The following RABGAP1 variants were observed in gnomAD, a reference collection of about 807,000 sequenced individuals.
RABGAP1 encodes the protein RAB GTPase activating protein 1.
A neutral mutation model predicts 137.6 loss-of-function variants in RABGAP1; 23 were observed. The observed-to-expected ratio is 0.17, with a 90% confidence interval of 0.12 to 0.24. The LOEUF (loss-of-function observed/expected upper bound fraction) is 0.24, where lower values mean the gene tolerates loss of function less well. RABGAP1 is among the 10% of genes least tolerant of loss of function. RABGAP1 has a pLI of 1.00. For synonymous variants in RABGAP1, 451 were observed against 450.7 expected, an observed-to-expected ratio of 1.00 and a Z score of -0.01; for missense variants, 906 against 1,275.8, an observed-to-expected ratio of 0.71 and a Z score of 4.42.
intron 13 of RABGAP1, chr9:123,035,543 G>C: frequency 6.2e-7 from 1 of 1,613,904 alleles, no homozygotes; most frequent in Non-Finnish European, 8.5e-7. Flanking sequence ...TGTACTTCTT[G>C]TGCAAGTCAG....
intron 13 of RABGAP1, chr9:123,034,396 T>C: frequency 1.7e-6 from 1 of 600,928 alleles, no homozygotes; most frequent in Non-Finnish European, 2.9e-6. Context: ...TAAAGGGGAA[T>C]TGCACTGCAG....
At chr9:122,967,712 T>C (rs1835241640) in intron 2 of RABGAP1, among the ~76,000 whole-genome samples, 1 of 149,534 alleles carries the variant, frequency 6.7e-6, no homozygotes. Context: ...ACAACTTTTT[T>C]TGCTGTCTCA....
intron 21 of RABGAP1, among the ~76,000 whole-genome samples, chr9:123,092,506 T>C (rs970550596): frequency 6.6e-6 from 1 of 152,112 alleles, no homozygotes; most frequent in African/African-American, 2.4e-5. Context: ...TGAGATTCAG[T>C]TGAAGGTACC....
At chr9:122,968,263 C>T (rs1471367630) in intron 2 of RABGAP1, among the ~76,000 whole-genome samples, 3 of 137,530 alleles carry the variant, frequency 2.2e-5, no homozygotes, top group Non-Finnish European at 4.6e-5. Flanking sequence ...GGCTCTGTTG[C>T]CCAGGCTGCA....
At chr9:123,015,774 A>T (rs2286986) in intron 12 of RABGAP1, 138 bp downstream of exon 12, 54,594 of 536,340 alleles carry the variant, frequency 0.1, 9,156 homozygotes, top group East Asian at 0.67. Context: ...TATTTTAGGG[A>T]TTTATATGAG....
chr9:122,992,490 G>A (rs1201444993), intron 6 of RABGAP1, among the ~76,000 whole-genome samples: 1 of 151,990 alleles, frequency 6.6e-6, no homozygotes, highest in African/African-American at 2.4e-5. Context: ...AAACATCTCT[G>A]TTCTATTTGT....
intron 1 of RABGAP1, among the ~76,000 whole-genome samples, chr9:122,949,295 C>G (rs1398941954): frequency 6.6e-6 from 1 of 151,882 alleles, no homozygotes; most frequent in East Asian, 1.9e-4. Context: ...GGTGGATTAC[C>G]CGAGGTCAGG....
chr9:123,039,992 A>C (rs934175935), intron 13 of RABGAP1, among the ~76,000 whole-genome samples: 3 of 152,152 alleles, frequency 2.0e-5, no homozygotes, highest in South Asian at 4.1e-4. Flanking sequence ...ATTATGTAAG[A>C]GCAGTGGCTT....
chr9:122,953,546 C>T (rs1026610915), intron 1 of RABGAP1, among the ~76,000 whole-genome samples: 7 of 152,118 alleles, frequency 4.6e-5, no homozygotes, highest in South Asian at 2.1e-4. Context: ...GGACTACAGG[C>T]GTGCGCCACC....
chr9:123,023,930 C>G (rs1488731831), intron 13 of RABGAP1, among the ~76,000 whole-genome samples: 1 of 151,670 alleles, frequency 6.6e-6, no homozygotes, highest in Non-Finnish European at 1.5e-5. Flanking sequence ...GAAAGAGTGA[C>G]TTGATTTATA....
At chr9:123,029,764 G>A (rs903828760) in intron 13 of RABGAP1, 9 of 596,290 alleles carry the variant, frequency 1.5e-5, no homozygotes, top group Admixed American at 3.9e-5. Context: ...CGTGAAGCTC[G>A]GAGAGCAGTG....
Position 123,080,944 on chromosome 9 carries a change from A to G in RABGAP1, c.2424+4182A>G, listed in dbSNP as rs548214781. On this transcript the variant is annotated intron_variant, in intron 19 of 25. Coordinates refer to ENST00000373647, the MANE Select transcript of RABGAP1 (RefSeq NM_012197.4). ...TTTTTCAATAAAAGTTATACCAACT[A>G]TGCCTCCTGTCTCCCCTTCTACCTC... 6.6e-5 allele frequency among the ~76,000 whole-genome samples: 10 copies of G among 152,232 alleles called. No homozygotes were observed. In the South Asian group the frequency reaches 1.9e-3, roughly 28 times the overall value.
the RABGAP1 span, among the ~76,000 whole-genome samples, chr9:122,935,604 A>C: frequency 4.6e-5 from 7 of 152,044 alleles, no homozygotes; most frequent in African/African-American, 1.7e-4. Context: ...GCCTCCCAAA[A>C]TGCTGGGATT....
chr9:122,933,443 T>G, the RABGAP1 span, among the ~76,000 whole-genome samples: 8 of 147,276 alleles, frequency 5.4e-5, no homozygotes, highest in Non-Finnish European at 9.0e-5. Flanking sequence ...TTCATTAAAT[T>G]ATTATTATTA....
At chr9:123,078,540 A>G (rs1336376912) in intron 19 of RABGAP1, among the ~76,000 whole-genome samples, 1 of 152,230 alleles carries the variant, frequency 6.6e-6, no homozygotes, top group African/African-American at 2.4e-5. Flanking sequence ...TAATATTTTC[A>G]AAGAAAATAG....
chr9:123,030,548 A>AT (rs916759158), intron 13 of RABGAP1, among the ~76,000 whole-genome samples: 7 of 152,124 alleles, frequency 4.6e-5, no homozygotes, highest in Non-Finnish European at 1.0e-4. Context: ...TTTTTATTGT[A>AT]TTTTTTAATC....
At chr9:122,953,096 C>A (rs562589488) in intron 1 of RABGAP1, among the ~76,000 whole-genome samples, 4 of 152,068 alleles carry the variant, frequency 2.6e-5, no homozygotes, top group Middle Eastern at 3.4e-3. Flanking sequence ...AATGTGTTTC[C>A]CGACTAACAA....
chr9:123,082,118 G>C (rs998985494), intron 19 of RABGAP1, among the ~76,000 whole-genome samples: 5 of 149,112 alleles, frequency 3.4e-5, no homozygotes, highest in Non-Finnish European at 7.4e-5. Context: ...GTCCTTACTT[G>C]CCTCTCTACT....
chr9:123,059,444 A>G (rs1259810313), intron 13 of RABGAP1, among the ~76,000 whole-genome samples: 1 of 152,124 alleles, frequency 6.6e-6, no homozygotes, highest in East Asian at 1.9e-4. Flanking sequence ...AGTCCCAGCT[A>G]CTCAGGAGGC....
Sources: allele counts gnomAD v4.1 joint callset (sites outside exome capture counted in the v4.1 genomes callset), GRCh38; gene constraint gnomAD v4.1.1; transcripts MANE v1.5; gene names NCBI Gene and HGNC (gene_info 2026-07-23, HGNC 2026-07-21).